The following URI1 variants were observed in gnomAD, a reference collection of about 807,000 sequenced individuals.
The protein encoded by URI1 is unconventional prefoldin RPB5 interactor 1.
In URI1, 39 loss-of-function variants were observed where a neutral mutation model predicts 60.2. The ratio of observed to expected loss-of-function variants is 0.65; its 90% CI spans 0.50 to 0.85. The LOEUF (loss-of-function observed/expected upper bound fraction) is 0.85, where lower values mean the gene tolerates loss of function less well. URI1 is among the 40% of genes least tolerant of loss of function. URI1 has a pLI of 0.00. For missense variants in URI1, 691 were observed against 665.9 expected (o/e 1.04, Z -0.42); for synonymous variants, 251 against 236.8 (o/e 1.06, Z -0.55).
chr19:29,963,801 T>G (rs566845282), intron 1 of URI1, among the ~76,000 whole-genome samples: 1 of 152,330 alleles, frequency 6.6e-6, no homozygotes, highest in Admixed American at 6.5e-5. Flanking sequence ...AAGGCCAGGT[T>G]GTTGTTTTAG....
intron 1 of URI1, among the ~76,000 whole-genome samples, chr19:29,946,243 G>A (rs1373843746): frequency 6.6e-6 from 1 of 152,184 alleles, no homozygotes; most frequent in African/African-American, 2.4e-5. Context: ...ACCATAAAAT[G>A]TGTGGTCTAG....
At chr19:29,972,063 T>C (rs945763422) in intron 2 of URI1, among the ~76,000 whole-genome samples, 1 of 152,084 alleles carries the variant, frequency 6.6e-6, no homozygotes, top group Admixed American at 6.5e-5. Context: ...TCTTCATGCC[T>C]GAGAGATCTC....
At chr19:29,931,737 T>G (rs2054919100) in intron 1 of URI1, among the ~76,000 whole-genome samples, 2 of 152,202 alleles carry the variant, frequency 1.3e-5, no homozygotes, top group Non-Finnish European at 2.9e-5. Context: ...TTGGTTAATT[T>G]TTTTACTAAA....
chr19:30,009,240 G>A lies in URI1; in HGVS notation c.922G>A (p.Asp308Asn), dbSNP rs1599726385. Reference sequence around the variant, plus strand: ...TGATGATGATGATGATGATGATGACGACGACGACGACAACATTGACGACGA... The same window carrying A: ...TGATGATGATGATGATGATGATGACAACGACGACGACAACATTGACGACGA... ...SDDDDDDDDDDDDDNIDDDDG... is the reference protein window; with the variant it reads ...SDDDDDDDDDNDDDNIDDDDG... The change falls in exon 8 of 11, where the codon GAC (aspartate) becomes AAC (asparagine). Residue 308 changes from aspartate to asparagine, a missense_variant. Asp to Asn is a conservative substitution (Grantham distance 23, BLOSUM62 1). Coordinates refer to ENST00000392271, the MANE Select transcript of URI1 (RefSeq NM_003796.3). The A allele has an allele frequency of 9.9e-6, 16 of 1,612,708 alleles. No homozygotes were observed. The highest frequency in any genetic ancestry group is 6.7e-5 in the East Asian group (3 of 44,836).
At position 30,015,317 on chromosome 19, in the gene URI1, T is replaced by TG; in HGVS notation, c.*249dup. On this transcript the variant is annotated 3_prime_UTR_variant, in exon 11 of 11. Transcript: ENST00000392271. ...CTCTTATCTAAGTTTGCCTTTATGATGCAGTGGCAGCATTTTGAATTACTT... is the reference window on the plus strand; with the variant it reads ...CTCTTATCTAAGTTTGCCTTTATGATGGCAGTGGCAGCATTTTGAATTACTT... 1.4e-6 allele frequency: 2 copies of TG among 1,416,416 alleles called. No individual in the cohort carries two copies. Among genetic ancestry groups the TG allele is most frequent in the Non-Finnish European group, 9.2e-7 (1 of 1,091,786 alleles). 87.7% of individuals were successfully genotyped at this position (1,416,416 alleles called of 1,614,324 possible). A position where few individuals can be genotyped will look rare whatever the true frequency, so the allele number is the denominator to read the frequency against.
chr19:29,979,864 A>T lies in URI1; in HGVS notation c.153-5359A>T, dbSNP rs141436508. On this transcript the variant is annotated intron_variant, in intron 2 of 10. Transcript: ENST00000392271. Reference sequence around the variant, plus strand: ...TACTTATATCAATTGAAATTACTGAATATTTTGCCATGACCATTTAGAAAA... The same window carrying T: ...TACTTATATCAATTGAAATTACTGATTATTTTGCCATGACCATTTAGAAAA... Among the ~76,000 whole-genome samples, 24 of 152,280 alleles carry T rather than the reference A, an allele frequency of 1.6e-4. 1 individual carries two copies. The highest frequency in any genetic ancestry group is 7.7e-4 in the East Asian group (4 of 5,180).
At chr19:29,982,512 G>T (rs1430710990) in intron 2 of URI1, among the ~76,000 whole-genome samples, 3 of 152,058 alleles carry the variant, frequency 2.0e-5, no homozygotes, top group Non-Finnish European at 4.4e-5. Flanking sequence ...TATCTAGGCT[G>T]GTGTATTTAG....
intron 2 of URI1, among the ~76,000 whole-genome samples, chr19:29,977,585 T>G (rs62106260): frequency 7.2e-6 from 1 of 139,376 alleles, no homozygotes; most frequent in Non-Finnish European, 1.5e-5. Context: ...TCCCTCCTCT[T>G]GAGCAGAGAG....
intron 2 of URI1, among the ~76,000 whole-genome samples, chr19:29,973,503 G>T (rs1207060167): frequency 6.6e-6 from 1 of 152,070 alleles, no homozygotes; most frequent in Non-Finnish European, 1.5e-5. Flanking sequence ...TATATGGTTT[G>T]AAAAATGCAT....
chr19:29,959,701 GTCC>G (rs1351562572), intron 1 of URI1, among the ~76,000 whole-genome samples: 1 of 152,112 alleles, frequency 6.6e-6, no homozygotes, highest in Non-Finnish European at 1.5e-5. Context: ...TGGTGGTGAT[GTCC>G]TCTTTTTAAT....
At position 30,007,508 on chromosome 19, in the gene URI1, A is replaced by G. The variant is rs1288489987; in HGVS notation, c.556A>G (p.Lys186Glu). ...RIAHKPHSKP[K>E]TSDIFEADIA... ...TGCTCATAAACCGCATTCCAAACCA[A>G]AAACTTCAGATATTTTTGAAGCAGA... is the stretch of plus-strand genomic sequence containing the variant. Residue 186 changes from lysine to glutamate, a missense_variant, in exon 7 of 11, where the codon AAA becomes GAA. By Grantham distance (56) the Lys-to-Glu change is moderately conservative (BLOSUM62 1). Coordinates refer to ENST00000392271, the MANE Select transcript of URI1 (RefSeq NM_003796.3). 4 of 1,613,348 alleles carry G rather than the reference A, an allele frequency of 2.5e-6. No individual in the cohort carries two copies. Among genetic ancestry groups the G allele is most frequent in the African/African-American group, 2.7e-5 (2 of 74,878 alleles).
At chr19:29,994,417 C>T (rs1235007873) in intron 4 of URI1, among the ~76,000 whole-genome samples, 8 of 151,340 alleles carry the variant, frequency 5.3e-5, no homozygotes, top group Admixed American at 4.6e-4. Flanking sequence ...TAGGTGATAA[C>T]TCCCCATTTT....
At position 30,015,057 on chromosome 19, in the gene URI1, A is replaced by G; in HGVS notation, c.1596A>G (p.Gln532=). The G allele has an allele frequency of 6.2e-7, 1 of 1,613,472 alleles. No homozygotes were observed. Among genetic ancestry groups the G allele is most frequent in the South Asian group, 1.1e-5 (1 of 91,026 alleles). Residue 532 remains glutamine (Q), a synonymous_variant, in exon 11 of 11, where the codon CAA becomes CAG. Coordinates refer to ENST00000392271, the MANE Select transcript of URI1 (RefSeq NM_003796.3). ...CAAAGTTTAAAGCTGCCAGATTGCA[A>G]CAGAAAGACTAGGCCCTGTCTAGGA... ...RVSKFKAARL[Q]QKD is the part of the protein sequence containing the mutation.
chr19:29,935,718 C>A (rs1336955177), intron 1 of URI1, among the ~76,000 whole-genome samples: 1 of 124,800 alleles, frequency 8.0e-6, no homozygotes, highest in Non-Finnish European at 1.6e-5. Flanking sequence ...TTTTTTTCCC[C>A]AGGACTTTAA....
chr19:29,926,233 C>CTCCTTCCTTCCTTCCT (rs35040318), intron 1 of URI1, among the ~76,000 whole-genome samples: 35 of 131,576 alleles, frequency 2.7e-4, no homozygotes, highest in Non-Finnish European at 2.4e-4. Flanking sequence ...TTCTTCCTCT[C>CTCCTTCCTTCCTTCCT]TCCTTCCTTC....
chr19:29,985,571 A>G (rs1191509972), intron 3 of URI1, among the ~76,000 whole-genome samples: 2 of 152,214 alleles, frequency 1.3e-5, no homozygotes, highest in African/African-American at 4.8e-5. Flanking sequence ...TATATAAAAA[A>G]TGTAATTATG....
exon 1 of URI1, chr19:29,923,667 A>G (rs1190006205): frequency 6.5e-7 from 1 of 1,535,876 alleles, no homozygotes; most frequent in South Asian, 1.2e-5. Context: ...ACTCTTTTCC[A>G]GGCTCCTTGG....
intron 1 of URI1, among the ~76,000 whole-genome samples, chr19:29,968,132 G>C (rs1323944964): frequency 1.3e-5 from 2 of 152,092 alleles, no homozygotes; most frequent in Non-Finnish European, 2.9e-5. Context: ...ATAAATTCTT[G>C]AGTGTAAACG....
intron 2 of URI1, among the ~76,000 whole-genome samples, chr19:29,972,361 C>G (rs2055470391): frequency 6.6e-6 from 1 of 152,086 alleles, no homozygotes; most frequent in African/African-American, 2.4e-5. Flanking sequence ...ATTATACATT[C>G]AGTTCAGGTT....
Sources: gnomAD v4.1 joint callset for allele counts (sites outside exome capture counted in the v4.1 genomes callset) on GRCh38, gnomAD v4.1.1 for gene constraint, MANE v1.5 for transcripts, NCBI Gene and HGNC (gene_info 2026-07-23, HGNC 2026-07-21) for gene names.